Variants in FBXO34 observed in about 807,000 individuals in gnomAD.
The protein encoded by FBXO34 is F-box protein 34.
In FBXO34, 12 loss-of-function variants were observed where a neutral mutation model predicts 24.5. The ratio of observed to expected loss-of-function variants is 0.49; its 90% CI spans 0.31 to 0.79. The LOEUF is 0.79. FBXO34 is among the 30% of genes least tolerant of loss of function. The probability of loss-of-function intolerance (pLI) is 0.04; values close to 1 mark genes in which losing one functional copy is unlikely to be tolerated. For synonymous variants in FBXO34, 320 were observed against 311.9 expected, an observed-to-expected ratio of 1.03 and a Z score of -0.27; for missense variants, 823 against 857.7, an observed-to-expected ratio of 0.96 and a Z score of 0.51.
chr14:55,376,506 C>A, the FBXO34 span, among the ~76,000 whole-genome samples: 1 of 152,032 alleles, frequency 6.6e-6, no homozygotes. Flanking sequence ...AGTTTCCTGG[C>A]GAGTTCACAG....
At chr14:55,374,689 T>G (rs1205089643), downstream of FBXO34, among the ~76,000 whole-genome samples, 1 of 152,178 alleles carries the variant, frequency 6.6e-6, no homozygotes, top group African/African-American at 2.4e-5. Context: ...ATCATCTGGA[T>G]TTTATTTTTG....
chr14:55,429,008 A>G, the FBXO34 span: 57 of 1,610,332 alleles, frequency 3.5e-5, no homozygotes, highest in Non-Finnish European at 4.8e-5. Flanking sequence ...AAGATGTCTT[A>G]ATCGCTACAT....
chr14:55,379,890 T>C, the FBXO34 span, among the ~76,000 whole-genome samples: 1 of 152,204 alleles, frequency 6.6e-6, no homozygotes, highest in Admixed American at 6.5e-5. Context: ...CCAGCTAGTT[T>C]TTGTATAAAT....
chr14:55,361,473 T>C (rs1324282467), intron 3 of FBXO34, among the ~76,000 whole-genome samples: 1 of 152,198 alleles, frequency 6.6e-6, no homozygotes, highest in African/African-American at 2.4e-5. Context: ...ATTTTTGGAA[T>C]GGTAAATGAA....
chr14:55,380,728 A>G, the FBXO34 span: 2 of 1,387,130 alleles, frequency 1.4e-6, no homozygotes, highest in Admixed American at 3.9e-5. Flanking sequence ...CAAAACCTTA[A>G]TTCCAACAAA....
chr14:55,332,040 A>G lies in FBXO34; in HGVS notation c.-10-18341A>G, dbSNP rs1055377399. On this transcript the variant is annotated intron_variant, in intron 1 of 1. Transcript: ENST00000313833. ...TATATATATACCACCGTGGTGGTAT[A>G]TATAAAAATATATATATATATACCA... Among the ~76,000 whole-genome samples, 50 of 134,958 alleles carry G rather than the reference A, an allele frequency of 3.7e-4. 3 individuals carry two copies. Among genetic ancestry groups the G allele is most frequent in the East Asian group, 1.5e-3 (7 of 4,744 alleles). 88.5% of individuals were successfully genotyped at this position (134,958 alleles called of 152,430 possible).
At chr14:55,387,936 A>G in the FBXO34 span, among the ~76,000 whole-genome samples, 4 of 152,188 alleles carry the variant, frequency 2.6e-5, no homozygotes. Context: ...TGCTGGGATT[A>G]TAGGCATGAG....
At chr14:55,280,024 G>GT (rs1410223791) in intron 1 of FBXO34, among the ~76,000 whole-genome samples, 50 of 152,178 alleles carry the variant, frequency 3.3e-4, no homozygotes, top group Non-Finnish European at 4.4e-5. Flanking sequence ...TAAACCTCCA[G>GT]TGTGGTAGTG....
Position 55,333,681 on chromosome 14 carries a change from CTT to C in FBXO34, c.-10-16695_-10-16694del, listed in dbSNP as rs575148126. 6.3e-3 allele frequency among the ~76,000 whole-genome samples: 932 copies of C among 148,354 alleles called. 37 individuals are homozygous for C. The highest frequency in any genetic ancestry group is 0.058 in the Admixed American group (876 of 15,008). On this transcript the variant is annotated intron_variant, in intron 1 of 1. Coordinates refer to ENST00000313833, the MANE Select transcript of FBXO34 (RefSeq NM_017943.4). Reference sequence around the variant, plus strand: ...CTTTCTAGTTTGGGTGTGTAGGAGTCTTTTTTATCAGGAATTTTGTTAGTGCT... The same window carrying C: ...CTTTCTAGTTTGGGTGTGTAGGAGTCTTTTATCAGGAATTTTGTTAGTGCT...
chr14:55,380,794 C>G, the FBXO34 span: 2 of 579,522 alleles, frequency 3.5e-6, no homozygotes, highest in Admixed American at 3.1e-5. Flanking sequence ...AGCACTGTTA[C>G]GTTTTAGTGC....
chr14:55,289,228 G>GT (rs1479480899), intron 1 of FBXO34, among the ~76,000 whole-genome samples: 1 of 151,332 alleles, frequency 6.6e-6, no homozygotes, highest in Non-Finnish European at 1.5e-5. Flanking sequence ...GTATCTAGTA[G>GT]TTCTTAGGTA....
chr14:55,365,612 A>G (rs545969589), downstream of FBXO34, among the ~76,000 whole-genome samples: 2 of 152,340 alleles, frequency 1.3e-5, no homozygotes, highest in African/African-American at 4.8e-5. Context: ...CAATCATGAC[A>G]TAACTCAGGA....
the FBXO34 span, among the ~76,000 whole-genome samples, chr14:55,408,170 G>A: frequency 1.3e-5 from 2 of 152,160 alleles, no homozygotes; most frequent in African/African-American, 4.8e-5. Flanking sequence ...AACTTGCTCA[G>A]GGCCAGGCAT....
At chr14:55,420,490 G>A in the FBXO34 span, among the ~76,000 whole-genome samples, 1 of 151,962 alleles carries the variant, frequency 6.6e-6, no homozygotes, top group Non-Finnish European at 1.5e-5. Flanking sequence ...AGTATAGCAT[G>A]AACAGGTAAA....
the FBXO34 span, among the ~76,000 whole-genome samples, chr14:55,402,926 AATATATATATATATATAT>A: frequency 8.5e-3 from 140 of 16,384 alleles, 3 homozygotes; most frequent in African/African-American, 0.027. Context: ...AAAAAAAAAA[AATATATATATATATATAT>A]ATATATATAT....
At chr14:55,343,700 G>A (rs1189111854) in intron 1 of FBXO34, among the ~76,000 whole-genome samples, 2 of 152,194 alleles carry the variant, frequency 1.3e-5, no homozygotes, top group Admixed American at 1.3e-4. Flanking sequence ...CTGAAGACTA[G>A]CAAGTTAGAA....
chr14:55,339,892 G>T (rs1044373911), intron 1 of FBXO34, among the ~76,000 whole-genome samples: 1 of 152,132 alleles, frequency 6.6e-6, no homozygotes, highest in Admixed American at 6.5e-5. Flanking sequence ...GTAGAAGGAA[G>T]AATAGTTACT....
chr14:55,396,484 T>C, the FBXO34 span, among the ~76,000 whole-genome samples: 1 of 152,236 alleles, frequency 6.6e-6, no homozygotes, highest in Non-Finnish European at 1.5e-5. Flanking sequence ...TTTAAATTGC[T>C]CATGAATGTG....
At chr14:55,297,193 C>G (rs991461597) in intron 1 of FBXO34, among the ~76,000 whole-genome samples, 2 of 152,120 alleles carry the variant, frequency 1.3e-5, no homozygotes, top group African/African-American at 2.4e-5. Flanking sequence ...ATAGGCTGCT[C>G]TTTGTTAGGA....
Sources: allele counts gnomAD v4.1 joint callset (sites outside exome capture counted in the v4.1 genomes callset), GRCh38; gene constraint gnomAD v4.1.1; transcripts MANE v1.5; gene names NCBI Gene and HGNC (gene_info 2026-07-23, HGNC 2026-07-21).